Variants in ASIC5 observed in about 807,000 individuals in gnomAD.
ASIC5 encodes the protein bile acid-sensitive ion channel.
In ASIC5, 52 loss-of-function variants were observed where a neutral mutation model predicts 51.2. The observed-to-expected ratio is 1.02, with a 90% confidence interval of 0.81 to 1.28. The LOEUF (loss-of-function observed/expected upper bound fraction) is 1.28, where lower values mean the gene tolerates loss of function less well. Ranked by LOEUF, ASIC5 falls within the 50% of genes most tolerant of loss-of-function variation. The pLI, the probability that ASIC5 is intolerant of heterozygous loss-of-function variation, is 0.00. For synonymous variants in ASIC5, 231 were observed against 200.7 expected (o/e 1.15, Z -1.28); for missense variants, 635 against 595.0 (o/e 1.07, Z -0.70).
intron 2 of ASIC5, among the ~76,000 whole-genome samples, chr4:155,857,255 C>T (rs1741567366): frequency 6.6e-6 from 1 of 152,034 alleles, no homozygotes; most frequent in Non-Finnish European, 1.5e-5. Flanking sequence ...CCCCACATAG[C>T]TGGAACTACA....
intron 4 of ASIC5, among the ~76,000 whole-genome samples, chr4:155,849,165 C>A (rs1741321955): frequency 6.6e-6 from 1 of 151,974 alleles, no homozygotes; most frequent in African/African-American, 2.4e-5. Context: ...CCAATAATGT[C>A]CTTGGAAAAA....
chr4:155,864,496 C>T (rs1332648289), intron 1 of ASIC5: 3 of 151,908 alleles, frequency 2.0e-5, no homozygotes. Context: ...AATTTCTTTC[C>T]ATTTGTTCAT....
At chr4:155,862,808 G>T (rs574098371) in intron 2 of ASIC5, among the ~76,000 whole-genome samples, 1 of 152,092 alleles carries the variant, frequency 6.6e-6, no homozygotes. Flanking sequence ...ATTTTATATC[G>T]TTATGTGTTT....
chr4:155,830,661 T>C (rs898624835), intron 9 of ASIC5, among the ~76,000 whole-genome samples: 2 of 152,194 alleles, frequency 1.3e-5, no homozygotes, highest in African/African-American at 4.8e-5. Context: ...TACGTTCACA[T>C]TGTTTTGCAG....
chr4:155,843,640 A>C, intron 5 of ASIC5, 41 bp downstream of exon 5: 1 of 1,607,270 alleles, frequency 6.2e-7, no homozygotes, highest in Non-Finnish European at 8.5e-7. Context: ...TGTTTGATGC[A>C]TTCACTACCC....
intron 8 of ASIC5, 53 bp downstream of exon 8, chr4:155,836,636 A>G (rs377366480): frequency 3.9e-5 from 33 of 839,678 alleles, no homozygotes; most frequent in Non-Finnish European, 5.3e-5. Context: ...TTTTCAATAA[A>G]GAAAAAAAAA....
intron 2 of ASIC5, among the ~76,000 whole-genome samples, chr4:155,859,529 T>A (rs1312662986): frequency 2.6e-5 from 4 of 152,050 alleles, no homozygotes; most frequent in Non-Finnish European, 5.9e-5. Context: ...CATTTTCTAC[T>A]CACAAGGTGG....
intron 6 of ASIC5, among the ~76,000 whole-genome samples, chr4:155,839,423 G>A (rs11100012): frequency 0.73 from 110,420 of 151,764 alleles, 43,324 homozygotes; most frequent in Non-Finnish European, 0.87. Context: ...AGGATGGGGA[G>A]GGGGCAGGTA....
At chr4:155,831,029 C>T (rs1216826521) in intron 9 of ASIC5, among the ~76,000 whole-genome samples, 1 of 152,216 alleles carries the variant, frequency 6.6e-6, no homozygotes, top group African/African-American at 2.4e-5. Context: ...CTTCTTCTGT[C>T]TCCGACACAG....
rs768029516 is a variant in ASIC5 at position 155,843,637 on chromosome 4, T to A, written c.861+44A>T. On this transcript the variant is annotated intron_variant, in intron 5 of 9. Coordinates refer to ENST00000537611, the MANE Select transcript of ASIC5 (RefSeq NM_017419.3). The stretch of plus-strand genomic sequence containing the variant: ...TGAAAAGCATTACTTATGTGTTTGA[T>A]GCATTCACTACCCCACCTAATTTCC... The A allele has an allele frequency of 5.6e-6, 9 of 1,601,074 alleles. No individual in the cohort carries two copies. In the South Asian group the frequency reaches 1.0e-4, roughly 18 times the overall value.
At chr4:155,855,606 G>T (rs1051500199) in intron 2 of ASIC5, among the ~76,000 whole-genome samples, 16 of 151,586 alleles carry the variant, frequency 1.1e-4, no homozygotes, top group African/African-American at 3.6e-4. Context: ...CTCTTGGTAA[G>T]TATATGGTGT....
chr4:155,831,194 A>T (rs1740863724), intron 9 of ASIC5, among the ~76,000 whole-genome samples: 1 of 152,140 alleles, frequency 6.6e-6, no homozygotes, highest in Non-Finnish European at 1.5e-5. Flanking sequence ...TGGAGGTATG[A>T]GGTGGCTGAC....
At chr4:155,866,050 CT>C in intron 1 of ASIC5, 136 bp downstream of exon 1, 1 of 477,132 alleles carries the variant, frequency 2.1e-6, no homozygotes, top group African/African-American at 2.0e-5. Context: ...ATTTTTAAAA[CT>C]TATATTACTT....
At chr4:155,848,309 G>A (rs1373659381) in intron 4 of ASIC5, among the ~76,000 whole-genome samples, 6 of 151,592 alleles carry the variant, frequency 4.0e-5, no homozygotes, top group Non-Finnish European at 8.8e-5. Context: ...GTCTTTTTCT[G>A]ACCTAATTAA....
At chr4:155,860,270 G>GATAATATAATATATATATATATATAAT (rs1398063924) in intron 2 of ASIC5, among the ~76,000 whole-genome samples, 26 of 151,470 alleles carry the variant, frequency 1.7e-4, no homozygotes, top group African/African-American at 5.8e-4. Context: ...TTATGTTTGT[G>GATAATATAATATATATATATATATAAT]ATAATATAAT....
intron 6 of ASIC5, among the ~76,000 whole-genome samples, chr4:155,839,867 A>C (rs541151812): frequency 6.6e-6 from 1 of 152,316 alleles, no homozygotes; most frequent in East Asian, 1.9e-4. Context: ...AACAAAAATA[A>C]AAACAAACAA....
At chr4:155,843,222 G>T (rs1288940778) in intron 5 of ASIC5, among the ~76,000 whole-genome samples, 1 of 152,050 alleles carries the variant, frequency 6.6e-6, no homozygotes, top group Non-Finnish European at 1.5e-5. Flanking sequence ...TACTATGAAA[G>T]AAAAATATTA....
chr4:155,858,214 T>G (rs1232625731), intron 2 of ASIC5, among the ~76,000 whole-genome samples: 1 of 152,122 alleles, frequency 6.6e-6, no homozygotes, highest in Admixed American at 6.6e-5. Flanking sequence ...TCACAAACAG[T>G]ATTACAATTT....
intron 4 of ASIC5, among the ~76,000 whole-genome samples, chr4:155,848,343 A>G: frequency 6.6e-6 from 1 of 152,024 alleles, no homozygotes. Flanking sequence ...TAGTTTCCCT[A>G]AAGTCCAAAA....
Sources: gnomAD v4.1 joint callset for allele counts (sites outside exome capture counted in the v4.1 genomes callset) on GRCh38, gnomAD v4.1.1 for gene constraint, MANE v1.5 for transcripts, NCBI Gene and HGNC (gene_info 2026-07-23, HGNC 2026-07-21) for gene names.